Variants in CCDC74A observed in about 807,000 individuals in gnomAD.
The protein encoded by CCDC74A is coiled-coil domain-containing protein 74A.
A neutral mutation model predicts 37.6 loss-of-function variants in CCDC74A; 38 were observed. That is an observed-to-expected ratio of 1.01 (90% CI 0.78 to 1.33). The LOEUF is 1.33. Ranked by LOEUF, CCDC74A falls within the 40% of genes most tolerant of loss-of-function variation. The probability of loss-of-function intolerance (pLI) is 0.00; values close to 1 mark genes in which losing one functional copy is unlikely to be tolerated. For synonymous variants in CCDC74A, 134 were observed against 165.2 expected (o/e 0.81, Z 1.45); for missense variants, 340 against 403.4 (o/e 0.84, Z 1.35).
rs9162 is a variant in CCDC74A at position 131,533,597 on chromosome 2, A to G, written c.*199A>G. The G allele has an allele frequency of 0.24, 165,750 of 696,156 alleles. 24,420 individuals carry two copies. Among genetic ancestry groups the G allele is most frequent in the East Asian group, 0.68 (24,076 of 35,278 alleles). The allele number at this position is 696,156 out of a possible 1,614,324, so 43.1% of individuals were successfully genotyped here. On this transcript the variant is annotated 3_prime_UTR_variant, in exon 8 of 8. Coordinates refer to ENST00000409856, the MANE Select transcript of CCDC74A (RefSeq NM_001258306.3). ...TGTTATTTTGCTATTTGGCATTTAC[A>G]TAAAAGCACACGATGAAGCAGGTAT...
At chr2:131,526,142 T>C (rs1215640014), upstream of CCDC74A, among the ~76,000 whole-genome samples, 9 of 144,220 alleles carry the variant, frequency 6.2e-5, no homozygotes, top group Admixed American at 3.1e-4. Flanking sequence ...TTTTCTTTTT[T>C]TTCCTTTTTT....
rs755410944 is a variant in CCDC74A, at chr2:131,528,185, A to T, written c.215A>T (p.His72Leu). 1 of 1,613,704 alleles carries T rather than the reference A, an allele frequency of 6.2e-7. No individual in the cohort carries two copies. Among genetic ancestry groups the T allele is most frequent in the African/African-American group, 1.3e-5 (1 of 75,032 alleles). ...QQHSEMLAKLHEEIEHLKREN... is the reference protein window; with the variant it reads ...QQHSEMLAKLLEEIEHLKREN... The stretch of plus-strand genomic sequence containing the variant: ...CACTCGGAGATGCTGGCCAAGCTCC[A>T]TGAGGAGATCGAGCATCTGAAGCGG... Residue 72 changes from histidine to leucine, a missense_variant, in exon 1 of 8, where the codon CAT becomes CTT. Around this residue, in one of 3 missense-constraint regions of CCDC74A, gnomAD observed 154 missense variants for 153.9 expected, o/e 1.00. Transcript: ENST00000409856.
intron 1 of CCDC74A, 40 bp downstream of exon 1, chr2:131,528,260 A>G: frequency 3.1e-6 from 5 of 1,604,930 alleles, no homozygotes; most frequent in African/African-American, 1.3e-5. Flanking sequence ...CTGCCTCCCC[A>G]GGCACACTCA....
At chr2:131,528,411 G>C (rs1680562689) in intron 1 of CCDC74A, 191 bp downstream of exon 1, 2 of 1,550,738 alleles carry the variant, frequency 1.3e-6, no homozygotes, top group Non-Finnish European at 1.7e-6. Context: ...TGGCCCCCGG[G>C]CAGTGCCGAC....
Position 131,532,619 on chromosome 2 carries a change from A to C in CCDC74A, c.516A>C (p.Gly172=). ...AGAAAGCAGAGGCCTCTAATGCAGG[A>C]GCTGCCTGTATGGGGAACAGCCAGC... is the stretch of plus-strand genomic sequence containing the variant. ...RKEKAEASNA[G]AACMGNSQHQ... The change falls in exon 5 of 8, where the codon GGA becomes GGC. Residue 172 remains glycine, a synonymous_variant. Transcript: ENST00000409856. 1 of 1,604,594 alleles carries C rather than the reference A, an allele frequency of 6.2e-7. No individual in the cohort carries two copies. Among genetic ancestry groups the C allele is most frequent in the East Asian group, 2.2e-5 (1 of 44,806 alleles).
rs1559432575 is a variant in CCDC74A at position 131,532,593 on chromosome 2, G to A, written c.490G>A (p.Glu164Lys). Reference protein sequence around the residue: ...VPGVQGQARKEKAEASNAGAA... With the variant: ...VPGVQGQARKKKAEASNAGAA... ...CTGCTGCAATGACTGTTTCAGAAAG[G>A]AGAAAGCAGAGGCCTCTAATGCAGG... Residue 164 changes from glutamate to lysine, a missense_variant, in exon 5 of 8, where the codon GAG (glutamate) becomes AAG (lysine). By Grantham distance (56) the Glu-to-Lys change is moderately conservative. This residue lies in a region of CCDC74A where 185 missense variants were observed against 231.5 expected (regional missense o/e 0.80). Transcript: ENST00000409856. 1 of 1,575,736 alleles carries A rather than the reference G, an allele frequency of 6.3e-7. No homozygotes were observed. Among genetic ancestry groups the A allele is most frequent in the African/African-American group, 1.4e-5 (1 of 73,922 alleles).
At chr2:131,527,848 C>T (rs1193099239), upstream of CCDC74A, 3 of 1,378,514 alleles carry the variant, frequency 2.2e-6, no homozygotes, top group Admixed American at 3.5e-5. Context: ...ACAGGCCCCG[C>T]CCCCGCCAAC....
At chr2:131,530,408 G>C (rs1384194384) in intron 2 of CCDC74A, 1 of 1,548,752 alleles carries the variant, frequency 6.5e-7, no homozygotes, top group Non-Finnish European at 8.7e-7. Context: ...GTTGAGGGAG[G>C]GCCCTTCCCT....
At position 131,529,116 on chromosome 2, in the gene CCDC74A, G is replaced by A. The variant is rs182571590; in HGVS notation, c.251-531G>A. 6.2e-3 allele frequency: 1,265 copies of A among 204,434 alleles called. 4 individuals carry two copies. Among genetic ancestry groups the A allele is most frequent in the Non-Finnish European group, 7.2e-3 (715 of 99,380 alleles). The allele number at this position is 204,434 out of a possible 1,614,324, so 12.7% of individuals were successfully genotyped here. On this transcript the variant is annotated intron_variant, in intron 1 of 7. Transcript: ENST00000409856. The stretch of plus-strand genomic sequence containing the variant: ...CCGCTCCTCGATCTTGCTTCAGGAG[G>A]GCTCCAGCAAGGGCACCAGTGCCCG...
chr2:131,532,171 G>A (rs1228607929), intron 4 of CCDC74A, among the ~76,000 whole-genome samples: 1 of 147,274 alleles, frequency 6.8e-6, no homozygotes, highest in Admixed American at 6.8e-5. Context: ...AGGCCAGCAG[G>A]TCAGAGTAGG....
upstream of CCDC74A, chr2:131,527,817 C>T: frequency 9.3e-7 from 1 of 1,072,212 alleles, no homozygotes; most frequent in South Asian, 1.9e-5. Context: ...TAAATCACTA[C>T]TCACCCAGGA....
At chr2:131,526,551 TTAATCA>T (rs1680334959), upstream of CCDC74A, among the ~76,000 whole-genome samples, 1 of 152,254 alleles carries the variant, frequency 6.6e-6, no homozygotes, top group Admixed American at 6.5e-5. Flanking sequence ...CCTTAGCATA[TTAATCA>T]TAGTTGTATT....
In CCDC74A at chr2:131,533,513, A is replaced by C. The variant is rs1681763578; in HGVS notation, c.*115A>C. 5 of 1,414,612 alleles carry C rather than the reference A, an allele frequency of 3.5e-6. No individual in the cohort carries two copies. Among genetic ancestry groups the C allele is most frequent in the African/African-American group, 2.9e-5 (2 of 70,174 alleles). 87.6% of individuals were successfully genotyped at this position (1,414,612 alleles called of 1,614,324 possible). A position where few individuals can be genotyped will look rare whatever the true frequency, so the allele number is the denominator to read the frequency against. Reference sequence around the variant, plus strand: ...GGCCTGGCTAAATTCCAAGACAGATAACACTCAAGATAGATAAAGTACTTG... The same window carrying C: ...GGCCTGGCTAAATTCCAAGACAGATCACACTCAAGATAGATAAAGTACTTG... On this transcript the variant is annotated 3_prime_UTR_variant, in exon 8 of 8. Coordinates refer to ENST00000409856, the MANE Select transcript of CCDC74A (RefSeq NM_001258306.3).
chr2:131,532,800 G>C lies in CCDC74A; in HGVS notation c.678+19G>C. On this transcript the variant is annotated intron_variant, in intron 5 of 7. Transcript: ENST00000409856. ...CCAAGAGGTGAGGCCCTGGGTGGTG[G>C]GGGTGGCCCTGGGCAGTCTGGCACC... 6.2e-7 allele frequency: 1 copy of C among 1,612,972 alleles called. No homozygotes were observed. Among genetic ancestry groups the C allele is most frequent in the Non-Finnish European group, 8.5e-7 (1 of 1,179,642 alleles).
intron 2 of CCDC74A, chr2:131,530,098 G>A (rs1680975596): frequency 6.5e-7 from 1 of 1,550,336 alleles, no homozygotes; most frequent in Non-Finnish European, 8.7e-7. Flanking sequence ...GGGGGCCCAG[G>A]GGCTCTGGAC....
chr2:131,523,304 G>A (rs1680188388), upstream of CCDC74A, among the ~76,000 whole-genome samples: 1 of 152,160 alleles, frequency 6.6e-6, no homozygotes, highest in African/African-American at 2.4e-5. Flanking sequence ...ACAAGGTGCC[G>A]AAATATATCT....
At chr2:131,528,360 G>T in intron 1 of CCDC74A, 140 bp downstream of exon 1, 1 of 1,547,116 alleles carries the variant, frequency 6.5e-7, no homozygotes, top group Non-Finnish European at 8.7e-7. Context: ...AGCCCGCCCT[G>T]CCACGCTGAG....
chr2:131,527,879 C>T, upstream of CCDC74A: 1 of 1,407,268 alleles, frequency 7.1e-7, no homozygotes, highest in South Asian at 1.6e-5. Context: ...CTTCCGTCGC[C>T]CGGTTTCCAT....
upstream of CCDC74A, among the ~76,000 whole-genome samples, chr2:131,526,660 T>A (rs946484758): frequency 6.6e-6 from 1 of 152,216 alleles, no homozygotes; most frequent in African/African-American, 2.4e-5. Flanking sequence ...TTTTTTATTA[T>A]GCCTTGCAAG....
Sources: gnomAD v4.1 joint callset for allele counts (sites outside exome capture counted in the v4.1 genomes callset) on GRCh38, gnomAD v4.1.1 for gene constraint, gnomAD v4.1.1 regional missense constraint, MANE v1.5 for transcripts, NCBI Gene and HGNC (gene_info 2026-07-23, HGNC 2026-07-21) for gene names.